Variants in TMEM132E observed in about 807,000 individuals in gnomAD.
TMEM132E encodes transmembrane protein 132E.
Under a neutral mutation model 78.5 loss-of-function variants are expected in TMEM132E, and 49 were observed. That is an observed-to-expected ratio of 0.62 (90% confidence interval 0.50 to 0.79). The LOEUF is 0.79. Ranked by LOEUF, TMEM132E falls within the 30% of genes least tolerant of loss-of-function variation. TMEM132E has a pLI of 0.00. For synonymous variants in TMEM132E, 715 were observed against 670.6 expected, an observed-to-expected ratio of 1.07 and a Z score of -1.02; for missense variants, 1,403 against 1,470.9, an observed-to-expected ratio of 0.95 and a Z score of 0.75.
At chr17:34,616,814 T>C (rs1906795936) in intron 1 of TMEM132E, among the ~76,000 whole-genome samples, 1 of 152,170 alleles carries the variant, frequency 6.6e-6, no homozygotes, top group Non-Finnish European at 1.5e-5. Flanking sequence ...TCTGGCCCAA[T>C]GTGGTTTACT....
Position 34,626,916 on chromosome 17 carries a change from A to G in TMEM132E, c.857A>G (p.Gln286Arg). 1.2e-6 allele frequency: 2 copies of G among 1,613,694 alleles called. No individual in the cohort carries two copies. The highest frequency in any genetic ancestry group is 1.7e-6 in the Non-Finnish European group (2 of 1,179,994). Reference protein sequence around the residue: ...LFRPPPRRTLQEHRLDSNLMI... With the variant: ...LFRPPPRRTLREHRLDSNLMI... ...CGCCCGCCCCCCAGGAGGACCCTGC[A>G]GGAGCACAGGCTGGACAGCAACCTG... The change falls in exon 2 of 9, where the codon CAG (glutamine) becomes CGG (arginine). Residue 286 changes from glutamine (Q) to arginine (R), a missense_variant. Physicochemically the swap from Gln to Arg is conservative, Grantham distance 43 (BLOSUM62 1). Coordinates refer to ENST00000631683, the MANE Select transcript of TMEM132E (RefSeq NM_001304438.2).
At position 34,637,175 on chromosome 17, in the gene TMEM132E, A is replaced by C; in HGVS notation, c.2170-2A>C. On this transcript the variant is annotated splice_acceptor_variant, in intron 8 of 8. Transcript: ENST00000631683. LOFTEE classifies it high-confidence loss of function. ...TATCCCCTCCTTCTCCTTCTCCTCC[A>C]GGAAGCCCTACTGAGCCTCTGGCTC... 1 of 1,594,272 alleles carries C rather than the reference A, an allele frequency of 6.3e-7. No individual in the cohort carries two copies. The highest frequency in any genetic ancestry group is 8.6e-7 in the Non-Finnish European group (1 of 1,166,348).
At chr17:34,581,488 G>T (rs931561354) in intron 1 of TMEM132E, among the ~76,000 whole-genome samples, 9 of 152,118 alleles carry the variant, frequency 5.9e-5, no homozygotes, top group Admixed American at 2.0e-4. Context: ...GCCGCCCCCC[G>T]CCCCCGTCTC....
At chr17:34,635,939 G>T in intron 7 of TMEM132E, 68 bp from the exon 8 acceptor site, 1 of 1,312,116 alleles carries the variant, frequency 7.6e-7, no homozygotes, top group Non-Finnish European at 9.8e-7. Context: ...TTTCTCCCTA[G>T]CTGGGGGTCT....
chr17:34,583,085 T>C (rs1479573054), intron 1 of TMEM132E, among the ~76,000 whole-genome samples: 2 of 152,240 alleles, frequency 1.3e-5, no homozygotes, highest in Non-Finnish European at 2.9e-5. Flanking sequence ...CCTTTTTTCC[T>C]TAGGCACCAG....
chr17:34,614,110 G>T (rs1037061303), intron 1 of TMEM132E, among the ~76,000 whole-genome samples: 1 of 152,152 alleles, frequency 6.6e-6, no homozygotes, highest in Non-Finnish European at 1.5e-5. Flanking sequence ...CATCATGCTG[G>T]CTGGAGCAGG....
intron 4 of TMEM132E, among the ~76,000 whole-genome samples, chr17:34,629,432 C>T (rs1907271764): frequency 6.6e-6 from 1 of 152,058 alleles, no homozygotes; most frequent in African/African-American, 2.4e-5. Flanking sequence ...TGGGAGATGT[C>T]ACCATGGAGG....
chr17:34,581,787 G>A (rs1257184285), intron 1 of TMEM132E, among the ~76,000 whole-genome samples: 2 of 151,286 alleles, frequency 1.3e-5, no homozygotes, highest in Non-Finnish European at 3.0e-5. Flanking sequence ...CGGAGGGAGC[G>A]GGCTCCGCGC....
chr17:34,609,157 T>A (rs1002081523), intron 1 of TMEM132E, among the ~76,000 whole-genome samples: 2 of 152,194 alleles, frequency 1.3e-5, no homozygotes, highest in Non-Finnish European at 2.9e-5. Context: ...GTTTTGAGTA[T>A]GGAGTCTGGG....
Position 34,580,724 on chromosome 17 carries a change from A to C in TMEM132E, c.-353A>C. 4.2e-6 allele frequency: 1 copy of C among 238,520 alleles called. No homozygotes were observed. The highest frequency in any genetic ancestry group is 8.1e-6 in the Non-Finnish European group (1 of 123,680). The allele number at this position is 238,520 out of a possible 1,614,324, so 14.8% of individuals were successfully genotyped here. ...ATTCGAGCTGGGCCGTGAGGCCGGG[A>C]GATTCAGCACTGGGCTCTAGGTAGC... On this transcript the variant is annotated 5_prime_UTR_variant, in exon 1 of 9. Coordinates refer to ENST00000631683, the MANE Select transcript of TMEM132E (RefSeq NM_001304438.2).
chr17:34,591,044 C>T (rs1905850674), intron 1 of TMEM132E, among the ~76,000 whole-genome samples: 1 of 152,274 alleles, frequency 6.6e-6, no homozygotes. Flanking sequence ...AGCAGCCTGA[C>T]TTAGGTTTCC....
chr17:34,611,811 C>T (rs1051868565), intron 1 of TMEM132E, among the ~76,000 whole-genome samples: 4 of 152,180 alleles, frequency 2.6e-5, no homozygotes, highest in Non-Finnish European at 5.9e-5. Flanking sequence ...ATTCCAGGGG[C>T]TTCCATCCTC....
intron 1 of TMEM132E, among the ~76,000 whole-genome samples, chr17:34,611,645 G>T (rs924062064): frequency 6.6e-6 from 1 of 152,174 alleles, no homozygotes; most frequent in Non-Finnish European, 1.5e-5. Flanking sequence ...CTGGAGAGTG[G>T]GGACGTCACG....
intron 1 of TMEM132E, among the ~76,000 whole-genome samples, chr17:34,613,711 G>A (rs1178702681): frequency 6.6e-6 from 1 of 151,890 alleles, no homozygotes; most frequent in Admixed American, 6.6e-5. Context: ...CTTATTGCGG[G>A]GGTCTCTCTC....
At chr17:34,627,087 T>A in intron 2 of TMEM132E, 30 bp downstream of exon 2, 1 of 1,607,300 alleles carries the variant, frequency 6.2e-7, no homozygotes, top group Non-Finnish European at 8.5e-7. Flanking sequence ...GGGATCTGGT[T>A]TCCCTTCCAA....
At chr17:34,616,667 C>T (rs969723741) in intron 1 of TMEM132E, among the ~76,000 whole-genome samples, 1 of 152,098 alleles carries the variant, frequency 6.6e-6, no homozygotes, top group African/African-American at 2.4e-5. Context: ...TCTGCAGCTT[C>T]GTGGTGGGGA....
At position 34,635,119 on chromosome 17, in the gene TMEM132E, G is replaced by A. The variant is rs774878102; in HGVS notation, c.1977+32G>A. On this transcript the variant is annotated intron_variant, in intron 7 of 8. Coordinates refer to ENST00000631683, the MANE Select transcript of TMEM132E (RefSeq NM_001304438.2). ...ATGGGCTCTGTCCCAGCACAAAGGG[G>A]CAGTGTCGGGAGCCTTATTTACCTG... 1.9e-6 allele frequency: 3 copies of A among 1,562,202 alleles called. No homozygotes were observed. The Admixed American group carries it at 5.5e-5, about 29-fold the overall frequency.
At chr17:34,615,360 A>C (rs1209152070) in intron 1 of TMEM132E, among the ~76,000 whole-genome samples, 3 of 151,940 alleles carry the variant, frequency 2.0e-5, no homozygotes, top group African/African-American at 4.8e-5. Context: ...GGTCTCTGTG[A>C]TTTCCTTCCT....
chr17:34,613,227 G>GCGCGCGCA (rs57158566), intron 1 of TMEM132E, among the ~76,000 whole-genome samples: 1 of 149,970 alleles, frequency 6.7e-6, no homozygotes, highest in Non-Finnish European at 1.5e-5. Flanking sequence ...GCGCGCGCGC[G>GCGCGCGCA]TTCTTACATT....
Sources: gnomAD v4.1 joint callset for allele counts (sites outside exome capture counted in the v4.1 genomes callset) on GRCh38, gnomAD v4.1.1 for gene constraint, MANE v1.5 for transcripts, NCBI Gene and HGNC (gene_info 2026-07-23, HGNC 2026-07-21) for gene names.